CALN1: variants seen among roughly 807,000 people sequenced by gnomAD.
CALN1 encodes the protein calcium-binding protein 8.
In CALN1, 17 loss-of-function variants were observed where a neutral mutation model predicts 30.6. That is an observed-to-expected ratio of 0.56 (90% CI 0.38 to 0.83). CALN1 has a LOEUF of 0.83. Among genes scored for constraint, CALN1 ranks in the 40% least tolerant of loss-of-function variants. CALN1 has a pLI of 0.00. For missense variants in CALN1, 291 were observed against 354.9 expected (o/e 0.82, Z 1.45); for synonymous variants, 156 against 131.4 (o/e 1.19, Z -1.28).
At chr7:72,436,276 C>T (rs1808156717) in intron 1 of CALN1, among the ~76,000 whole-genome samples, 1 of 152,126 alleles carries the variant, frequency 6.6e-6, no homozygotes, top group Non-Finnish European at 1.5e-5. Context: ...GGTGATTTCC[C>T]CCATTCTGTT....
intron 3 of CALN1, among the ~76,000 whole-genome samples, chr7:72,237,507 G>C (rs903584635): frequency 6.6e-6 from 1 of 152,184 alleles, no homozygotes; most frequent in African/African-American, 2.4e-5. Context: ...AGCAGACCAG[G>C]AGAGGCAGAG....
chr7:72,253,565 C>T (rs373557637), intron 3 of CALN1, among the ~76,000 whole-genome samples: 10 of 152,242 alleles, frequency 6.6e-5, no homozygotes, highest in South Asian at 4.1e-4. Context: ...AAACAGAGAA[C>T]GTGCAGGAGA....
chr7:72,364,696 G>C (rs375079411), intron 2 of CALN1, among the ~76,000 whole-genome samples: 4 of 152,350 alleles, frequency 2.6e-5, no homozygotes, highest in East Asian at 3.9e-4. Context: ...AGAAACAACA[G>C]TGATAGTTAA....
intron 5 of CALN1, among the ~76,000 whole-genome samples, chr7:71,930,527 C>T (rs1453691903): frequency 6.6e-6 from 1 of 152,160 alleles, no homozygotes; most frequent in South Asian, 2.1e-4. Flanking sequence ...GTCTTTTTAG[C>T]TTCTTGATAG....
intron 4 of CALN1, among the ~76,000 whole-genome samples, chr7:72,040,800 G>T (rs1220690507): frequency 6.6e-6 from 1 of 152,066 alleles, no homozygotes; most frequent in Non-Finnish European, 1.5e-5. Flanking sequence ...GCAAAAAGTG[G>T]TCATGTGCAA....
chr7:72,410,557 AG>A (rs1477187310), intron 1 of CALN1, among the ~76,000 whole-genome samples: 2 of 152,224 alleles, frequency 1.3e-5, no homozygotes, highest in South Asian at 2.1e-4. Context: ...AACTGAAATG[AG>A]CTTTTCAAAT....
chr7:72,357,857 T>C (rs953444877), intron 2 of CALN1, among the ~76,000 whole-genome samples: 15 of 148,192 alleles, frequency 1.0e-4, no homozygotes, highest in African/African-American at 3.7e-4. Context: ...TTTATATTTA[T>C]ATATATGTGT....
At chr7:71,863,487 G>C (rs1290521564) in intron 5 of CALN1, among the ~76,000 whole-genome samples, 1 of 146,724 alleles carries the variant, frequency 6.8e-6, no homozygotes, top group Non-Finnish European at 1.5e-5. Context: ...GAACCTGGGA[G>C]GCAGGGATTA....
rs1299426703 is a variant in CALN1 at position 71,882,849 on chromosome 7, T to TG, written c.502-72358_502-72357insC. Among the ~76,000 whole-genome samples, 3 of 137,082 alleles carry TG rather than the reference T, an allele frequency of 2.2e-5. No homozygotes were observed. In the East Asian group the frequency reaches 6.7e-4, roughly 31 times the overall value. 89.9% of individuals were successfully genotyped at this position (137,082 alleles called of 152,430 possible). A position where few individuals can be genotyped will look rare whatever the true frequency, so the allele number is the denominator to read the frequency against. On this transcript the variant is annotated intron_variant, in intron 5 of 6. Transcript: ENST00000395275. ...TGGGCATGCCACCATGCCCATCTAATTTGTGTGTGTGTGTGTGTGTGTGTG... is the reference window on the plus strand; with the variant it reads ...TGGGCATGCCACCATGCCCATCTAATGTTGTGTGTGTGTGTGTGTGTGTGTG...
At chr7:72,058,754 A>G (rs532852091) in intron 4 of CALN1, among the ~76,000 whole-genome samples, 16 of 152,344 alleles carry the variant, frequency 1.1e-4, no homozygotes, top group Admixed American at 7.2e-4. Context: ...AAAGCTCTCT[A>G]TGAAAAATAC....
intron 5 of CALN1, among the ~76,000 whole-genome samples, chr7:71,883,763 C>T (rs1484028891): frequency 6.6e-6 from 1 of 152,168 alleles, no homozygotes; most frequent in Non-Finnish European, 1.5e-5. Flanking sequence ...TCTGAACTGT[C>T]CTTTCCCTGT....
chr7:72,232,723 G>C (rs1235541910), intron 3 of CALN1, among the ~76,000 whole-genome samples: 1 of 152,214 alleles, frequency 6.6e-6, no homozygotes, highest in Non-Finnish European at 1.5e-5. Context: ...GCCTCCCAAA[G>C]TGCTGTGATT....
intron 2 of CALN1, among the ~76,000 whole-genome samples, chr7:72,305,768 TC>T (rs1339094099): frequency 6.6e-5 from 10 of 152,178 alleles, no homozygotes; most frequent in Admixed American, 2.6e-4. Flanking sequence ...AAATTAATTT[TC>T]TTATAGCCTG....
chr7:71,987,273 G>A (rs1459747703), intron 5 of CALN1, among the ~76,000 whole-genome samples: 2 of 152,214 alleles, frequency 1.3e-5, no homozygotes, highest in East Asian at 1.9e-4. Flanking sequence ...ATTATGTCAC[G>A]AGTTGTGCTT....
At chr7:72,189,391 G>A (rs1790444310) in intron 3 of CALN1, among the ~76,000 whole-genome samples, 1 of 152,180 alleles carries the variant, frequency 6.6e-6, no homozygotes, top group South Asian at 2.1e-4. Flanking sequence ...TTGGTCTCTG[G>A]TGTCAAAGAG....
intron 5 of CALN1, among the ~76,000 whole-genome samples, chr7:71,813,005 G>C (rs1788054341): frequency 6.6e-6 from 1 of 151,460 alleles, no homozygotes; most frequent in Non-Finnish European, 1.5e-5. Flanking sequence ...CTGGAGTACA[G>C]TGGCGCAATC....
intron 2 of CALN1, among the ~76,000 whole-genome samples, chr7:72,388,720 T>C (rs140064287): frequency 3.1e-4 from 47 of 152,316 alleles, no homozygotes; most frequent in African/African-American, 1.1e-3. Flanking sequence ...GAGAGAATCA[T>C]GGCTTAAGCA....
chr7:72,107,806 C>T (rs1053034126), intron 3 of CALN1, among the ~76,000 whole-genome samples: 1 of 152,098 alleles, frequency 6.6e-6, no homozygotes, highest in East Asian at 1.9e-4. Flanking sequence ...TTAATAAATA[C>T]GGAAAAATAA....
intron 3 of CALN1, among the ~76,000 whole-genome samples, chr7:72,158,241 C>T (rs1352089385): frequency 6.6e-6 from 1 of 152,150 alleles, no homozygotes; most frequent in Non-Finnish European, 1.5e-5. Context: ...AATAACTAAG[C>T]ACATAAATTA....
Sources: gnomAD v4.1 joint callset for allele counts (sites outside exome capture counted in the v4.1 genomes callset) on GRCh38, gnomAD v4.1.1 for gene constraint, MANE v1.5 for transcripts, NCBI Gene and HGNC (gene_info 2026-07-23, HGNC 2026-07-21) for gene names.